Variants in UBE2L3 observed in about 807,000 individuals in gnomAD.
UBE2L3 encodes ubiquitin-conjugating enzyme E2 L3.
A neutral mutation model predicts 17.8 loss-of-function variants in UBE2L3; 1 was observed. That is an observed-to-expected ratio of 0.06 (90% CI 0.02 to 0.27). UBE2L3 has a LOEUF of 0.27. Among genes scored for constraint, UBE2L3 ranks in the 10% least tolerant of loss-of-function variants. The probability of loss-of-function intolerance (pLI) is 1.00; values close to 1 mark genes in which losing one functional copy is unlikely to be tolerated. For missense variants in UBE2L3, 40 were observed against 192.6 expected, an observed-to-expected ratio of 0.21 and a Z score of 4.69; for synonymous variants, 44 against 68.5, an observed-to-expected ratio of 0.64 and a Z score of 1.76.
intron 1 of UBE2L3, among the ~76,000 whole-genome samples, chr22:21,569,659 A>G (rs1433465683): frequency 6.6e-6 from 1 of 152,188 alleles, no homozygotes; most frequent in Non-Finnish European, 1.5e-5. Context: ...GACTGGCTGA[A>G]AGCAATCCCT....
At chr22:21,565,754 CAAAAAAAAAAA>C (rs131662), upstream of UBE2L3, among the ~76,000 whole-genome samples, 37 of 30,286 alleles carry the variant, frequency 1.2e-3, no homozygotes, top group Middle Eastern at 0.071. Context: ...AACTGTGTCT[CAAAAAAAAAAA>C]AAAAAAAAAA....
intron 1 of UBE2L3, chr22:21,568,502 G>A (rs1482956755): frequency 6.9e-5 from 63 of 909,478 alleles, no homozygotes; most frequent in Non-Finnish European, 8.1e-5. Flanking sequence ...GGGGGATAAC[G>A]GTTGATTTCA....
chr22:21,582,344 T>G (rs529191530), intron 1 of UBE2L3, among the ~76,000 whole-genome samples: 7 of 149,148 alleles, frequency 4.7e-5, no homozygotes, highest in East Asian at 4.0e-4. Context: ...ATGTGGTGGG[T>G]TTTTTTTTGT....
At chr22:21,563,396 C>CA (rs1402687151), upstream of UBE2L3, among the ~76,000 whole-genome samples, 395 of 124,520 alleles carry the variant, frequency 3.2e-3, 2 homozygotes, top group Middle Eastern at 8.8e-3. Context: ...CTGAAAATAC[C>CA]AAAAAAAAAA....
At chr22:21,608,493 A>G (rs1028462348) in intron 2 of UBE2L3, among the ~76,000 whole-genome samples, 1 of 152,068 alleles carries the variant, frequency 6.6e-6, no homozygotes, top group Non-Finnish European at 1.5e-5. Context: ...GCGCAACCTC[A>G]GTTCACTGCA....
intron 1 of UBE2L3, among the ~76,000 whole-genome samples, chr22:21,577,305 G>T (rs1360916503): frequency 6.6e-6 from 1 of 151,850 alleles, no homozygotes; most frequent in Non-Finnish European, 1.5e-5. Context: ...GGGTTTCATG[G>T]TGTTGGCCAG....
At chr22:21,560,829 A>C (rs1387547094) in intron 1 of UBE2L3, among the ~76,000 whole-genome samples, 1 of 151,918 alleles carries the variant, frequency 6.6e-6, no homozygotes, top group African/African-American at 2.4e-5. Flanking sequence ...CACGAGTAGC[A>C]ATGACCATTT....
intron 1 of UBE2L3, among the ~76,000 whole-genome samples, chr22:21,558,228 G>A (rs1174640304): frequency 2.0e-5 from 3 of 151,736 alleles, no homozygotes; most frequent in South Asian, 4.2e-4. Flanking sequence ...CTTGAGGAGG[G>A]GAATGGGCTC....
At chr22:21,614,759 A>G (rs1929677914) in intron 3 of UBE2L3, 1 of 762,276 alleles carries the variant, frequency 1.3e-6, no homozygotes, top group Non-Finnish European at 1.9e-6. Flanking sequence ...AAATGAAAAC[A>G]TATGCCCAAT....
At chr22:21,597,123 C>T (rs540321640) in intron 2 of UBE2L3, among the ~76,000 whole-genome samples, 61 of 151,922 alleles carry the variant, frequency 4.0e-4, no homozygotes, top group African/African-American at 1.4e-3. Context: ...GGACTATAGG[C>T]GTGCACCACC....
upstream of UBE2L3, among the ~76,000 whole-genome samples, chr22:21,564,025 TTTTC>T (rs1161757665): frequency 3.3e-4 from 50 of 151,374 alleles, no homozygotes; most frequent in South Asian, 6.3e-4. Flanking sequence ...CTTCTTTTTC[TTTTC>T]TTTCTTTCTT....
chr22:21,623,407 C>A lies in UBE2L3; in HGVS notation c.*1738C>A, dbSNP rs1427640436. ...GGGCTGGCGTTTCCACATCTGTCTT[C>A]ATTAGCAGAAAAGTGATGATGGATT... On this transcript the variant is annotated 3_prime_UTR_variant, in exon 4 of 4. Transcript: ENST00000342192. 6.5e-6 allele frequency: 1 copy of A among 152,782 alleles called. No homozygotes were observed. The highest frequency in any genetic ancestry group is 2.4e-5 in the African/African-American group (1 of 41,450). The allele number at this position is 152,782 out of a possible 1,614,324, so 9.5% of individuals were successfully genotyped here. A position where few individuals can be genotyped will look rare whatever the true frequency, so the allele number is the denominator to read the frequency against.
chr22:21,620,240 T>C (rs1183503368), intron 3 of UBE2L3, among the ~76,000 whole-genome samples: 1 of 151,970 alleles, frequency 6.6e-6, no homozygotes, highest in Non-Finnish European at 1.5e-5. Context: ...GAGCTGTGAT[T>C]GCACCACTGT....
intron 3 of UBE2L3, among the ~76,000 whole-genome samples, chr22:21,616,742 C>T (rs1267220870): frequency 6.8e-6 from 1 of 148,036 alleles, no homozygotes; most frequent in Non-Finnish European, 1.5e-5. Context: ...CAAAACAAAA[C>T]ACCCCCCCCC....
intron 2 of UBE2L3, among the ~76,000 whole-genome samples, chr22:21,606,115 G>A (rs1929144820): frequency 6.6e-6 from 1 of 152,228 alleles, no homozygotes; most frequent in South Asian, 2.1e-4. Flanking sequence ...AAGCTAGGAA[G>A]AGGCAAAGTC....
chr22:21,586,858 G>A (rs1927966510), intron 1 of UBE2L3, among the ~76,000 whole-genome samples: 1 of 147,446 alleles, frequency 6.8e-6, no homozygotes, highest in Non-Finnish European at 1.5e-5. Flanking sequence ...TTACAGGTGT[G>A]AGCCACTGTG....
chr22:21,566,925 G>A (rs1167660434), upstream of UBE2L3, among the ~76,000 whole-genome samples: 2 of 152,196 alleles, frequency 1.3e-5, no homozygotes, highest in African/African-American at 2.4e-5. Context: ...CCTTGGGCAA[G>A]TCACTGGCTT....
chr22:21,568,068 T>G, intron 1 of UBE2L3: 3 of 1,252,620 alleles, frequency 2.4e-6, no homozygotes, highest in Non-Finnish European at 3.0e-6. Flanking sequence ...GAGGCCGCGG[T>G]CCGATCTGAG....
rs554576573 is a variant in UBE2L3, at chr22:21,605,996, T to A, written c.124-4861T>A. 7.9e-5 allele frequency among the ~76,000 whole-genome samples: 12 copies of A among 152,246 alleles called. No individual in the cohort carries two copies. In the South Asian group the frequency reaches 2.5e-3, roughly 32 times the overall value. ...ATCTGCTTCTCTTGAGCTTTGCCCA[T>A]GTGTCAGGCATGTAGGACTTTATAG... On this transcript the variant is annotated intron_variant, in intron 2 of 3. Coordinates refer to ENST00000342192, the MANE Select transcript of UBE2L3 (RefSeq NM_003347.4).
Sources: allele counts gnomAD v4.1 joint callset (sites outside exome capture counted in the v4.1 genomes callset), GRCh38; gene constraint gnomAD v4.1.1; transcripts MANE v1.5; gene names NCBI Gene and HGNC (gene_info 2026-07-23, HGNC 2026-07-21).